The following BBS1 variants were observed in gnomAD, a reference collection of about 807,000 sequenced individuals.
The protein encoded by BBS1 is Bardet-Biedl syndrome 1, also known as BBSome complex member BBS1.
BBS1 carries 60 observed loss-of-function variants against 73.9 expected under a neutral mutation model. That is an observed-to-expected ratio of 0.81 (90% CI 0.66 to 1.01). BBS1 has a LOEUF of 1.01. BBS1 is among the 50% of genes least tolerant of loss of function. The pLI is 0.00. For synonymous variants in BBS1, 283 were observed against 317.4 expected, an observed-to-expected ratio of 0.89 and a Z score of 1.15; for missense variants, 718 against 770.3, an observed-to-expected ratio of 0.93 and a Z score of 0.80.
At chr11:66,520,520 A>G (rs1359646518) in intron 8 of BBS1, 1 of 153,606 alleles carries the variant, frequency 6.5e-6, no homozygotes, top group Non-Finnish European at 1.4e-5. Flanking sequence ...CCTTACCTCA[A>G]GTGATCTCTG....
In BBS1 at chr11:66,529,780, C is replaced by T. The variant is rs745403499; in HGVS notation, c.1340-39C>T. 8 of 1,607,594 alleles carry T rather than the reference C, an allele frequency of 5.0e-6. No homozygotes were observed. The South Asian group carries it at 8.8e-5, about 18-fold the overall frequency. Reference sequence around the variant, plus strand: ...CGTTGCTGCCTCCTCCCTGCCACCCCCCACCTCCACCGTCAGCCTCTGGGA... The same window carrying T: ...CGTTGCTGCCTCCTCCCTGCCACCCTCCACCTCCACCGTCAGCCTCTGGGA... On this transcript the variant is annotated intron_variant, in intron 13 of 16. Transcript: ENST00000318312.
chr11:66,521,606 A>G, intron 9 of BBS1: 2 of 537,026 alleles, frequency 3.7e-6, no homozygotes, highest in Admixed American at 6.1e-5. Flanking sequence ...TACAGGAGTG[A>G]TCAGAAATGA....
chr11:66,514,770 G>A (rs1339796312), intron 4 of BBS1, 92 bp downstream of exon 4: 2 of 1,466,244 alleles, frequency 1.4e-6, no homozygotes, highest in Non-Finnish European at 1.9e-6. Context: ...ACGTGGGCTG[G>A]TGGCAGGAGG....
At chr11:66,518,454 CT>C (rs1295351522) in intron 7 of BBS1, among the ~76,000 whole-genome samples, 166 of 133,570 alleles carry the variant, frequency 1.2e-3, no homozygotes, top group Middle Eastern at 3.8e-3. Context: ...GATGAGGTTT[CT>C]TTTTTTTTTT....
intron 11 of BBS1, among the ~76,000 whole-genome samples, chr11:66,525,565 A>G (rs150235426): frequency 1.4e-4 from 21 of 152,074 alleles, no homozygotes; most frequent in African/African-American, 4.8e-4. Context: ...CTCCATCTCA[A>G]AAAAAAAGTA....
chr11:66,523,044 G>A (rs1856310343), intron 9 of BBS1: 1 of 415,948 alleles, frequency 2.4e-6, no homozygotes, highest in Non-Finnish European at 4.7e-6. Context: ...TGAGAGGCCA[G>A]TAAACTAAAA....
chr11:66,514,369 GA>G lies in BBS1; in HGVS notation c.160-36del, dbSNP rs753934366. ...AAGAGGGTCAGTGGAGAGGTCTTCA[GA>G]CCCTGAGCCTAGAATGAGCCATCCT... On this transcript the variant is annotated intron_variant, in intron 3 of 16. Transcript: ENST00000318312. 83 of 1,613,230 alleles carry G rather than the reference GA, an allele frequency of 5.1e-5. 1 individual carries two copies. In the South Asian group the frequency reaches 8.1e-4, roughly 16 times the overall value.
intron 14 of BBS1, among the ~76,000 whole-genome samples, chr11:66,530,555 CTG>C (rs1856732517): frequency 6.6e-6 from 1 of 152,028 alleles, no homozygotes; most frequent in African/African-American, 2.4e-5. Flanking sequence ...CAAGGCAACT[CTG>C]GGGAAGCAGG....
At position 66,532,299 on chromosome 11, in the gene BBS1, T is replaced by C; in HGVS notation, c.*262T>C. On this transcript the variant is annotated 3_prime_UTR_variant, in exon 17 of 17. Coordinates refer to ENST00000318312, the MANE Select transcript of BBS1 (RefSeq NM_024649.5). ...TACTACGCCCTCCCCTCCCCAGCCT[T>C]TTCCAGAAACCATACTGGGCTCAGA... 2 of 538,004 alleles carry C rather than the reference T, an allele frequency of 3.7e-6. No individual in the cohort carries two copies. The highest frequency in any genetic ancestry group is 6.7e-6 in the Non-Finnish European group (2 of 297,544). 33.3% of individuals were successfully genotyped at this position (538,004 alleles called of 1,614,324 possible). A position where few individuals can be genotyped will look rare whatever the true frequency, so the allele number is the denominator to read the frequency against.
intron 9 of BBS1, 106 bp from the exon 10 acceptor site, chr11:66,523,350 C>T: frequency 6.7e-7 from 1 of 1,497,880 alleles, no homozygotes; most frequent in Non-Finnish European, 9.3e-7. Context: ...TGCTTTGGGG[C>T]CAGTGTTCCT....
intron 9 of BBS1, among the ~76,000 whole-genome samples, chr11:66,522,271 G>T (rs1424773662): frequency 6.6e-6 from 1 of 151,200 alleles, no homozygotes; most frequent in Non-Finnish European, 1.5e-5. Flanking sequence ...TCCCATATTT[G>T]TTACTTTCTA....
intron 11 of BBS1, among the ~76,000 whole-genome samples, chr11:66,525,427 A>C (rs1008525362): frequency 2.6e-5 from 4 of 151,864 alleles, no homozygotes; most frequent in African/African-American, 9.7e-5. Context: ...TTAGCCAAGC[A>C]TGGTGGTGCA....
intron 11 of BBS1, among the ~76,000 whole-genome samples, chr11:66,525,079 A>T (rs1327831405): frequency 6.6e-6 from 1 of 152,102 alleles, no homozygotes; most frequent in Non-Finnish European, 1.5e-5. Context: ...AGGTGCCTGT[A>T]GTCCCAGCTA....
chr11:66,517,148 G>A (rs940556197), intron 7 of BBS1, among the ~76,000 whole-genome samples: 17 of 150,820 alleles, frequency 1.1e-4, no homozygotes, highest in Non-Finnish European at 2.4e-4. Context: ...GCAGTGAGCC[G>A]AGATTGCGCC....
Position 66,526,747 on chromosome 11 carries a change from G to A in BBS1, c.1279G>A (p.Val427Met). 1.2e-6 allele frequency: 2 copies of A among 1,614,228 alleles called. No individual in the cohort carries two copies. Among genetic ancestry groups the A allele is most frequent in the South Asian group, 2.2e-5 (2 of 91,088 alleles). The change falls in exon 13 of 17, where the codon GTG (valine) becomes ATG (methionine). Residue 427 changes from valine to methionine, a missense_variant. By Grantham distance (21) the Val-to-Met change is conservative. Coordinates refer to ENST00000318312, the MANE Select transcript of BBS1 (RefSeq NM_024649.5). The part of the protein sequence containing the change: ...PPPAQAMKLN[V>M]PRKTRLYVDQ... ...ACCAGCCCAGGCCATGAAACTCAAT[G>A]TGCCCCGAAAGACCCGGCTTTACGT...
At chr11:66,516,271 A>ACC (rs1373168002) in intron 7 of BBS1, among the ~76,000 whole-genome samples, 1 of 151,798 alleles carries the variant, frequency 6.6e-6, no homozygotes, top group Non-Finnish European at 1.5e-5. Flanking sequence ...GATTATAGGC[A>ACC]TGCACCAACA....
chr11:66,510,901 G>C, intron 1 of BBS1, 112 bp from the exon 2 acceptor site: 1 of 1,417,784 alleles, frequency 7.1e-7, no homozygotes. Flanking sequence ...GCCTGGACTT[G>C]TACCCAGACG....
At position 66,526,946 on chromosome 11, in the gene BBS1, C is replaced by A. The variant is rs1021950038; in HGVS notation, c.1339+139C>A. On this transcript the variant is annotated intron_variant, in intron 13 of 16. Coordinates refer to ENST00000318312, the MANE Select transcript of BBS1 (RefSeq NM_024649.5). The stretch of plus-strand genomic sequence containing the variant: ...AGGTAGGTCACTCACCTCTGCAAAT[C>A]CAGGGACAGCCTAGGAGGTACACGT... 1.9e-6 allele frequency: 3 copies of A among 1,581,666 alleles called. No individual in the cohort carries two copies. The African/African-American group carries it at 4.0e-5, about 21-fold the overall frequency.
In BBS1 at chr11:66,532,362, C is replaced by A; in HGVS notation, c.*325C>A. ...AGCGGTCAAAGTGAGCTGAGCAGGA[C>A]AGGCCCAGCCTTTCTCCACTGCCAC... On this transcript the variant is annotated 3_prime_UTR_variant, in exon 17 of 17. Transcript: ENST00000318312. The A allele has an allele frequency of 2.8e-6, 1 of 361,682 alleles. No homozygotes were observed. Among genetic ancestry groups the A allele is most frequent in the Admixed American group, 3.9e-5 (1 of 25,372 alleles). The allele number at this position is 361,682 out of a possible 1,614,324, so 22.4% of individuals were successfully genotyped here. A position where few individuals can be genotyped will look rare whatever the true frequency, so the allele number is the denominator to read the frequency against.
Sources: allele counts gnomAD v4.1 joint callset (sites outside exome capture counted in the v4.1 genomes callset), GRCh38; gene constraint gnomAD v4.1.1; transcripts MANE v1.5; gene names NCBI Gene and HGNC (gene_info 2026-07-23, HGNC 2026-07-21).